The following HTR2C variants were observed in gnomAD, a reference collection of about 807,000 sequenced individuals.
HTR2C encodes the protein 5-hydroxytryptamine receptor 2C.
In HTR2C, 5 loss-of-function variants were observed where a neutral mutation model predicts 21.0. That is an observed-to-expected ratio of 0.24 (90% CI 0.12 to 0.50). The LOEUF is 0.50. Ranked by LOEUF, HTR2C falls within the 20% of genes least tolerant of loss-of-function variation. The pLI is 0.98. For missense variants in HTR2C, 271 were observed against 371.2 expected, an observed-to-expected ratio of 0.73 and a Z score of 2.22; for synonymous variants, 150 against 145.3, an observed-to-expected ratio of 1.03 and a Z score of -0.23.
At chrX:114,610,537 G>A (rs1031585529) in intron 1 of HTR2C, among the ~76,000 whole-genome samples, 1 of 111,846 alleles carries the variant, frequency 8.9e-6, no homozygotes, top group Admixed American at 9.5e-5. Flanking sequence ...TATAAATAGT[G>A]TCAGAGGTAA....
chrX:114,879,619 C>G (rs2071165043), intron 5 of HTR2C, among the ~76,000 whole-genome samples: 1 of 110,409 alleles, frequency 9.1e-6, no homozygotes, highest in African/African-American at 3.3e-5. Flanking sequence ...CTATCCTTTC[C>G]CCTGAGTCTC....
chrX:114,636,528 T>C (rs993189588), intron 2 of HTR2C, among the ~76,000 whole-genome samples: 1 of 112,200 alleles, frequency 8.9e-6, no homozygotes, highest in Non-Finnish European at 1.9e-5. Context: ...GCTGTATATT[T>C]ATCCATAATT....
At chrX:114,653,117 G>A (rs781947122) in intron 2 of HTR2C, among the ~76,000 whole-genome samples, 4 of 108,466 alleles carry the variant, frequency 3.7e-5, no homozygotes, top group African/African-American at 1.3e-4. Context: ...GTTCCTGCAA[G>A]CCTCTTTGTC....
intron 4 of HTR2C, among the ~76,000 whole-genome samples, chrX:114,744,085 G>C (rs995362117): frequency 9.0e-6 from 1 of 110,621 alleles, no homozygotes; most frequent in South Asian, 3.8e-4. Flanking sequence ...AGGTGCAGTG[G>C]ATATGTTGAT....
chrX:114,733,782 G>A (rs782285434), intron 4 of HTR2C, among the ~76,000 whole-genome samples: 1 of 111,157 alleles, frequency 9.0e-6, no homozygotes, highest in East Asian at 2.8e-4. Context: ...ATGCTCTTGA[G>A]CTTGGAATTT....
intron 2 of HTR2C, among the ~76,000 whole-genome samples, chrX:114,724,266 A>T (rs782793538): frequency 1.0e-5 from 1 of 95,633 alleles, no homozygotes; most frequent in Non-Finnish European, 2.1e-5. Context: ...TTTACCATTA[A>T]GTAATGGCCT....
chrX:114,689,700 G>C (rs1467906238), intron 2 of HTR2C, among the ~76,000 whole-genome samples: 1 of 110,962 alleles, frequency 9.0e-6, no homozygotes. Context: ...GTGAGTATAG[G>C]ATTTGTAGTA....
At chrX:114,762,010 A>ATATATACGT (rs1556432672) in intron 4 of HTR2C, among the ~76,000 whole-genome samples, 3 of 8,455 alleles carry the variant, frequency 3.5e-4, no homozygotes, top group African/African-American at 1.3e-3. Flanking sequence ...ACATATATAT[A>ATATATACGT]GTATATATAC....
intron 1 of HTR2C, among the ~76,000 whole-genome samples, chrX:114,608,074 G>T (rs989343270): frequency 4.5e-5 from 5 of 111,343 alleles, no homozygotes; most frequent in Non-Finnish European, 9.4e-5. Flanking sequence ...TTCCCCCAAT[G>T]GATTTTATAA....
In HTR2C at chrX:114,893,520, C is replaced by G. The variant is rs782679172; in HGVS notation, c.551-13069C>G. ...ATTGGTATAAAAGAATTAACCTTGACTTCAACCTCATAGTATATACAAAAT... is the reference window on the plus strand; with the variant it reads ...ATTGGTATAAAAGAATTAACCTTGAGTTCAACCTCATAGTATATACAAAAT... On this transcript the variant is annotated intron_variant, in intron 5 of 5. Transcript: ENST00000276198. 1.1e-4 allele frequency among the ~76,000 whole-genome samples: 12 copies of G among 111,195 alleles called. No individual in the cohort carries two copies. The East Asian group carries it at 3.4e-3, about 32-fold the overall frequency.
intron 4 of HTR2C, among the ~76,000 whole-genome samples, chrX:114,733,283 G>A (rs150005801): frequency 0.028 from 3,078 of 109,594 alleles, 62 homozygotes; most frequent in Middle Eastern, 0.061. Flanking sequence ...GGTGGTGGGC[G>A]CCTGTAATCC....
At chrX:114,829,794 A>G (rs2070705415) in intron 4 of HTR2C, among the ~76,000 whole-genome samples, 1 of 111,511 alleles carries the variant, frequency 9.0e-6, no homozygotes, top group Non-Finnish European at 1.9e-5. Flanking sequence ...CTGCAGATAA[A>G]TAGGTTTATT....
chrX:114,826,937 GT>G (rs1177716183), intron 4 of HTR2C, among the ~76,000 whole-genome samples: 27 of 109,597 alleles, frequency 2.5e-4, no homozygotes, highest in African/African-American at 8.6e-4. Context: ...GATTTATTAT[GT>G]TTTTTTCTTT....
chrX:114,835,299 G>C (rs1192060625), intron 4 of HTR2C, among the ~76,000 whole-genome samples: 3 of 104,201 alleles, frequency 2.9e-5, no homozygotes, highest in Non-Finnish European at 3.9e-5. Flanking sequence ...CCTGCAGAGT[G>C]TTTTCCAACT....
intron 5 of HTR2C, among the ~76,000 whole-genome samples, chrX:114,885,612 A>G (rs1285983597): frequency 9.0e-6 from 1 of 111,724 alleles, no homozygotes; most frequent in Non-Finnish European, 1.9e-5. Flanking sequence ...ATTTTTCAAA[A>G]CTATATGGAA....
intron 4 of HTR2C, among the ~76,000 whole-genome samples, chrX:114,756,848 G>A (rs2069818572): frequency 9.0e-6 from 1 of 111,194 alleles, no homozygotes; most frequent in Admixed American, 9.7e-5. Context: ...AAGGGCACAT[G>A]TGATCTCTCG....
chrX:114,592,240 G>A (rs1927663157), intron 1 of HTR2C, among the ~76,000 whole-genome samples: 1 of 112,274 alleles, frequency 8.9e-6, no homozygotes, highest in African/African-American at 3.2e-5. Flanking sequence ...TCACCATTGT[G>A]GTTTTCACCG....
At chrX:114,901,868 T>G (rs901800838) in intron 5 of HTR2C, among the ~76,000 whole-genome samples, 2 of 111,541 alleles carry the variant, frequency 1.8e-5, no homozygotes, top group African/African-American at 3.3e-5. Flanking sequence ...TATTTTTTTT[T>G]GTCTGGATTG....
chrX:114,677,279 C>T (rs1390359758), intron 2 of HTR2C, among the ~76,000 whole-genome samples: 1 of 110,817 alleles, frequency 9.0e-6, no homozygotes, highest in African/African-American at 3.3e-5. Flanking sequence ...GGGTAAGAGT[C>T]TGGAAGCAAG....
Sources: allele counts gnomAD v4.1 joint callset (sites outside exome capture counted in the v4.1 genomes callset), GRCh38; gene constraint gnomAD v4.1.1; transcripts MANE v1.5; gene names NCBI Gene and HGNC (gene_info 2026-07-23, HGNC 2026-07-21).